FAT3: variants seen among roughly 807,000 people sequenced by gnomAD.
The protein encoded by FAT3 is FAT atypical cadherin 3.
Under a neutral mutation model 310.2 loss-of-function variants are expected in FAT3, and 95 were observed. The ratio of observed to expected loss-of-function variants is 0.31; its 90% CI spans 0.26 to 0.36. The LOEUF (loss-of-function observed/expected upper bound fraction) is 0.36, where lower values mean the gene tolerates loss of function less well. FAT3 is among the 10% of genes least tolerant of loss of function. The pLI is 1.00. For synonymous variants in FAT3, 2,314 were observed against 2,192.9 expected, an observed-to-expected ratio of 1.06 and a Z score of -1.54; for missense variants, 5,408 against 5,715.6, an observed-to-expected ratio of 0.95 and a Z score of 1.74.
Position 92,762,132 on chromosome 11 carries a change from A to G in FAT3, c.3946A>G (p.Arg1316Gly), listed in dbSNP as rs778023806. The stretch of plus-strand genomic sequence containing the variant: ...CCCTAAAACTGGGATGGTTTCTTCT[A>G]GAAAGCAGTTTACAGCAGGCAGTTA... ...IDPKTGMVSS[R>G]KQFTAGSYDI... The change falls in exon 5 of 28, where the codon AGA (arginine) becomes GGA (glycine). Residue 1316 changes from arginine (R) to glycine (G), a missense_variant. By Grantham distance (125) the Arg-to-Gly change is moderately radical. This residue lies in a region of FAT3 where 4,588 missense variants were observed against 4,809.8 expected (regional missense o/e 0.95). Coordinates refer to ENST00000525166, the MANE Select transcript of FAT3 (RefSeq NM_001367949.2). 1.2e-6 allele frequency: 2 copies of G among 1,613,732 alleles called. No homozygotes were observed. The highest frequency in any genetic ancestry group is 1.3e-5 in the African/African-American group (1 of 75,030).
chr11:92,719,310 C>A (rs557875662), intron 4 of FAT3, among the ~76,000 whole-genome samples: 1 of 152,208 alleles, frequency 6.6e-6, no homozygotes, highest in South Asian at 2.1e-4. Flanking sequence ...TTCCCTTACC[C>A]TAGATTTTCT....
chr11:92,254,179 T>C (rs1415736533), intron 1 of FAT3, among the ~76,000 whole-genome samples: 1 of 152,126 alleles, frequency 6.6e-6, no homozygotes, highest in Non-Finnish European at 1.5e-5. Flanking sequence ...AGAGGCCACA[T>C]AGAAGCCCAG....
At chr11:92,671,801 GGAAT>G (rs144815269) in intron 3 of FAT3, among the ~76,000 whole-genome samples, 1 of 152,020 alleles carries the variant, frequency 6.6e-6, no homozygotes. Context: ...AATAACTTCT[GGAAT>G]GAATGAATGA....
intron 2 of FAT3, among the ~76,000 whole-genome samples, chr11:92,487,132 G>T: frequency 6.6e-6 from 1 of 152,136 alleles, no homozygotes; most frequent in Non-Finnish European, 1.5e-5. Flanking sequence ...GCAATCCTGA[G>T]GGTGTTGCTG....
chr11:92,553,533 G>A (rs540837339), intron 3 of FAT3, among the ~76,000 whole-genome samples: 20 of 152,326 alleles, frequency 1.3e-4, no homozygotes, highest in African/African-American at 4.6e-4. Context: ...TGAGAAGGCT[G>A]GTAGTACACA....
At chr11:92,509,890 T>C (rs1319295699) in intron 2 of FAT3, among the ~76,000 whole-genome samples, 1 of 152,192 alleles carries the variant, frequency 6.6e-6, no homozygotes, top group African/African-American at 2.4e-5. Flanking sequence ...ATATTTATAT[T>C]TCATATTTTC....
At chr11:92,657,351 C>T (rs914878828) in intron 3 of FAT3, among the ~76,000 whole-genome samples, 1 of 152,146 alleles carries the variant, frequency 6.6e-6, no homozygotes, top group African/African-American at 2.4e-5. Flanking sequence ...TCATTTCATG[C>T]TTCCTGGGCA....
rs539710498 is a variant in FAT3 at position 92,641,990 on chromosome 11, G to T, written c.3608-55394G>T. On this transcript the variant is annotated intron_variant, in intron 3 of 27. Coordinates refer to ENST00000525166, the MANE Select transcript of FAT3 (RefSeq NM_001367949.2). Reference sequence around the variant, plus strand: ...GGCACAATGCACACTTGTAGAAGCCGTTTGAGGAAGTCTGAATTTTCATGA... The same window carrying T: ...GGCACAATGCACACTTGTAGAAGCCTTTTGAGGAAGTCTGAATTTTCATGA... 3.9e-5 allele frequency among the ~76,000 whole-genome samples: 6 copies of T among 152,356 alleles called. No homozygotes were observed. The East Asian group carries it at 1.2e-3, about 29-fold the overall frequency.
intron 6 of FAT3, among the ~76,000 whole-genome samples, chr11:92,773,030 G>C (rs1480204655): frequency 2.6e-5 from 4 of 152,096 alleles, no homozygotes; most frequent in African/African-American, 7.2e-5. Flanking sequence ...TAAAATTACT[G>C]TCTGAGAACA....
intron 3 of FAT3, among the ~76,000 whole-genome samples, chr11:92,662,738 C>T (rs1192497213): frequency 4.6e-5 from 7 of 152,190 alleles, no homozygotes; most frequent in Non-Finnish European, 1.0e-4. Flanking sequence ...AAGGTCTAAT[C>T]TTTGCAATTT....
chr11:92,843,934 G>T lies in FAT3; in HGVS notation c.10567G>T (p.Ala3523Ser), dbSNP rs759025297. 1.0e-5 allele frequency: 16 copies of T among 1,591,536 alleles called. No individual in the cohort carries two copies. Among genetic ancestry groups the T allele is most frequent in the Non-Finnish European group, 1.4e-5 (16 of 1,167,718 alleles). ...CCTTTTCACCTCTTGGTTGTTTTAG[G>T]CAAAGGATTCAGGCAAACCCCAGCA... Reference protein sequence around the residue: ...ESLEYVLCVQAKDSGKPQQVS... With the variant: ...ESLEYVLCVQSKDSGKPQQVS... Residue 3523 changes from alanine (A) to serine (S), a missense_variant and splice_region_variant, in exon 19 of 28, where the codon GCA becomes TCA. Around this residue, in one of 5 missense-constraint regions of FAT3, gnomAD observed 4,588 missense variants for 4,809.8 expected, o/e 0.95. Transcript: ENST00000525166.
chr11:92,545,383 AG>A (rs1954582993), intron 3 of FAT3, among the ~76,000 whole-genome samples: 1 of 152,214 alleles, frequency 6.6e-6, no homozygotes, highest in South Asian at 2.1e-4. Flanking sequence ...TGGAAGAGCC[AG>A]GGATACAGAG....
At chr11:92,836,766 A>G in intron 16 of FAT3, 63 bp downstream of exon 16, 4 of 1,571,938 alleles carry the variant, frequency 2.5e-6, no homozygotes, top group South Asian at 2.4e-5. Flanking sequence ...AATCAGGGGC[A>G]CAAGCTCCAC....
At chr11:92,594,100 G>C (rs1176252390) in intron 3 of FAT3, among the ~76,000 whole-genome samples, 5 of 152,166 alleles carry the variant, frequency 3.3e-5, no homozygotes, top group Non-Finnish European at 5.9e-5. Flanking sequence ...CTGCAGGTGA[G>C]AGTGCAAGAC....
At position 92,353,366 on chromosome 11, in the gene FAT3, G is replaced by C; in HGVS notation, c.1254G>C (p.Val418=). ...EYKLSPGEDA[V]YFKINPRSGL... The stretch of plus-strand genomic sequence containing the variant: ...AATTATCTCCTGGTGAGGATGCAGT[G>C]TACTTTAAAATTAATCCTCGGTCGG... Residue 418 remains valine (V), a synonymous_variant, in exon 2 of 28, where the codon GTG becomes GTC. Transcript: ENST00000525166. 1 of 1,613,432 alleles carries C rather than the reference G, an allele frequency of 6.2e-7. No homozygotes were observed. Among genetic ancestry groups the C allele is most frequent in the East Asian group, 2.2e-5 (1 of 44,854 alleles).
chr11:92,567,523 A>G (rs1955506157), intron 3 of FAT3, among the ~76,000 whole-genome samples: 1 of 150,716 alleles, frequency 6.6e-6, no homozygotes, highest in Non-Finnish European at 1.5e-5. Flanking sequence ...TGACCCAGCC[A>G]TCCCATTACT....
intron 4 of FAT3, among the ~76,000 whole-genome samples, chr11:92,750,854 G>T (rs1196833101): frequency 6.6e-6 from 1 of 152,178 alleles, no homozygotes; most frequent in Non-Finnish European, 1.5e-5. Context: ...GTGCTATTTG[G>T]GTTGTTTCAC....
intron 13 of FAT3, among the ~76,000 whole-genome samples, chr11:92,827,934 C>T (rs532451152): frequency 2.6e-5 from 4 of 152,152 alleles, no homozygotes; most frequent in Non-Finnish European, 5.9e-5. Context: ...CTCTTGGTAA[C>T]CTGGCATTTC....
chr11:92,594,215 G>T (rs191828205), intron 3 of FAT3, among the ~76,000 whole-genome samples: 1 of 152,184 alleles, frequency 6.6e-6, no homozygotes, highest in African/African-American at 2.4e-5. Context: ...GGCCGAGGCC[G>T]GCAGATCACC....
Sources: allele counts gnomAD v4.1 joint callset (sites outside exome capture counted in the v4.1 genomes callset), GRCh38; gene constraint gnomAD v4.1.1; regional missense constraint gnomAD v4.1.1; transcripts MANE v1.5; gene names NCBI Gene and HGNC (gene_info 2026-07-23, HGNC 2026-07-21).